The following TENM3 variants were observed in gnomAD, a reference collection of about 807,000 sequenced individuals.
TENM3 encodes the protein teneurin-3.
In TENM3, 63 loss-of-function variants were observed where a neutral mutation model predicts 255.1. That is an observed-to-expected ratio of 0.25 (90% CI 0.20 to 0.30). The LOEUF (loss-of-function observed/expected upper bound fraction) is 0.30, where lower values mean the gene tolerates loss of function less well. Among genes scored for constraint, TENM3 ranks in the 10% least tolerant of loss-of-function variants. TENM3 has a pLI of 1.00. For missense variants in TENM3, 2,929 were observed against 3,461.1 expected, an observed-to-expected ratio of 0.85 and a Z score of 3.86; for synonymous variants, 1,306 against 1,322.3, an observed-to-expected ratio of 0.99 and a Z score of 0.27.
the TENM3 span, among the ~76,000 whole-genome samples, chr4:181,922,586 T>C: frequency 6.6e-6 from 1 of 152,270 alleles, no homozygotes; most frequent in South Asian, 2.1e-4. Flanking sequence ...TGATATCCCC[T>C]TTATCATTTT....
the TENM3 span, among the ~76,000 whole-genome samples, chr4:182,029,117 A>G: frequency 6.6e-6 from 1 of 152,136 alleles, no homozygotes; most frequent in East Asian, 1.9e-4. Context: ...GCTTCTGCAG[A>G]GAACTCAGGA....
chr4:181,823,117 A>G, the TENM3 span, among the ~76,000 whole-genome samples: 1 of 152,212 alleles, frequency 6.6e-6, no homozygotes, highest in Non-Finnish European at 1.5e-5. Flanking sequence ...GATAGCGGCT[A>G]TCTGCAGAGT....
the TENM3 span, among the ~76,000 whole-genome samples, chr4:181,501,818 T>C: frequency 6.6e-6 from 1 of 152,300 alleles, no homozygotes. Context: ...TAAACTGAAT[T>C]CAATGATTTC....
intron 1 of TENM3, among the ~76,000 whole-genome samples, chr4:182,215,954 G>A (rs1336939408): frequency 6.6e-6 from 1 of 152,178 alleles, no homozygotes; most frequent in African/African-American, 2.4e-5. Flanking sequence ...AGGGAGAAGA[G>A]CCAGAGCTGG....
At chr4:182,396,263 A>G (rs1768802037) in intron 3 of TENM3, among the ~76,000 whole-genome samples, 1 of 152,164 alleles carries the variant, frequency 6.6e-6, no homozygotes, top group South Asian at 2.1e-4. Flanking sequence ...GGCTGTCTAA[A>G]TACAGTTTTA....
At chr4:181,524,167 G>A in the TENM3 span, among the ~76,000 whole-genome samples, 291 of 152,250 alleles carry the variant, frequency 1.9e-3, 1 homozygote, top group African/African-American at 6.8e-3. Context: ...CGTGATTTCC[G>A]TGGTTTTGGG....
At chr4:182,614,298 A>G (rs1415543976) in intron 4 of TENM3, among the ~76,000 whole-genome samples, 3 of 152,164 alleles carry the variant, frequency 2.0e-5, no homozygotes, top group Non-Finnish European at 2.9e-5. Flanking sequence ...CATTAAATGC[A>G]TAGTATTAAT....
intron 3 of TENM3, among the ~76,000 whole-genome samples, chr4:182,486,748 G>A (rs1426027658): frequency 2.0e-5 from 3 of 152,122 alleles, no homozygotes; most frequent in Non-Finnish European, 4.4e-5. Flanking sequence ...GCATGAGGGT[G>A]ATCCAGTTGT....
intron 12 of TENM3, 88 bp from the exon 13 acceptor site, chr4:182,713,999 G>C: frequency 2.8e-6 from 3 of 1,081,970 alleles, no homozygotes; most frequent in Non-Finnish European, 4.2e-6. Context: ...ATAAAGGCCT[G>C]TTCCCACTAA....
the TENM3 span, among the ~76,000 whole-genome samples, chr4:181,816,547 G>A: frequency 6.6e-6 from 1 of 152,180 alleles, no homozygotes; most frequent in African/African-American, 2.4e-5. Context: ...CTGGTTTGCA[G>A]ACTGTAAATA....
the TENM3 span, among the ~76,000 whole-genome samples, chr4:181,759,724 A>ATATGTGTGTGTG: frequency 2.7e-5 from 4 of 146,620 alleles, no homozygotes; most frequent in Middle Eastern, 3.5e-3. Context: ...CAATCAACAG[A>ATATGTGTGTGTG]TGTGTGTGTG....
At chr4:182,340,358 G>C (rs1442600221) in intron 2 of TENM3, among the ~76,000 whole-genome samples, 1 of 152,170 alleles carries the variant, frequency 6.6e-6, no homozygotes, top group Admixed American at 6.5e-5. Flanking sequence ...ATGGTGTCCA[G>C]TGGTCATTTT....
chr4:182,377,774 A>G (rs1767276390), intron 3 of TENM3, among the ~76,000 whole-genome samples: 1 of 152,152 alleles, frequency 6.6e-6, no homozygotes, highest in Admixed American at 6.5e-5. Flanking sequence ...AATTATTCAC[A>G]TTATGGGAAA....
chr4:182,736,478 T>A (rs944182059), intron 16 of TENM3, among the ~76,000 whole-genome samples: 3 of 152,234 alleles, frequency 2.0e-5, no homozygotes, highest in African/African-American at 7.2e-5. Context: ...TCACAGTGTT[T>A]CCCGTATGAA....
At chr4:181,604,458 G>C in the TENM3 span, among the ~76,000 whole-genome samples, 1 of 151,864 alleles carries the variant, frequency 6.6e-6, no homozygotes, top group East Asian at 1.9e-4. Flanking sequence ...TGTTTCCCAG[G>C]GGGGACATCT....
chr4:181,605,597 GAAA>G, the TENM3 span, among the ~76,000 whole-genome samples: 1 of 123,520 alleles, frequency 8.1e-6, no homozygotes, highest in Admixed American at 9.0e-5. Context: ...AAGAAAGAAA[GAAA>G]GAAAGAAAGA....
chr4:182,023,737 A>G, the TENM3 span, among the ~76,000 whole-genome samples: 2 of 152,228 alleles, frequency 1.3e-5, no homozygotes, highest in Admixed American at 6.5e-5. Context: ...ACAATATACC[A>G]CAAAGGAAGT....
At chr4:181,941,300 T>A in the TENM3 span, among the ~76,000 whole-genome samples, 1 of 116,056 alleles carries the variant, frequency 8.6e-6, no homozygotes, top group East Asian at 2.2e-4. Flanking sequence ...TTTCCAGAAC[T>A]TTTGTTTGAT....
chr4:182,671,924 C>T (rs1177988671), intron 6 of TENM3, among the ~76,000 whole-genome samples: 1 of 150,232 alleles, frequency 6.7e-6, no homozygotes, highest in Non-Finnish European at 1.5e-5. Context: ...CTGTGTTGCC[C>T]AGGCTGGACT....
Sources: allele counts gnomAD v4.1 joint callset (sites outside exome capture counted in the v4.1 genomes callset), GRCh38; gene constraint gnomAD v4.1.1; transcripts MANE v1.5; gene names NCBI Gene and HGNC (gene_info 2026-07-23, HGNC 2026-07-21).